The following FBXL17 variants were observed in gnomAD, a reference collection of about 807,000 sequenced individuals.
FBXL17 encodes the protein F-box and leucine rich repeat protein 17, also known as F-box/LRR-repeat protein 17.
In FBXL17, 22 loss-of-function variants were observed where a neutral mutation model predicts 66.2. The observed-to-expected ratio is 0.33, with a 90% CI of 0.24 to 0.47. FBXL17 has a LOEUF of 0.47. FBXL17 is among the 20% of genes least tolerant of loss of function. The pLI is 1.00. For missense variants in FBXL17, 878 were observed against 948.2 expected, an observed-to-expected ratio of 0.93 and a Z score of 0.97; for synonymous variants, 474 against 400.5, an observed-to-expected ratio of 1.18 and a Z score of -2.19.
chr5:108,082,981 CA>C (rs1200201812), intron 6 of FBXL17, among the ~76,000 whole-genome samples: 1 of 151,996 alleles, frequency 6.6e-6, no homozygotes, highest in Non-Finnish European at 1.5e-5. Flanking sequence ...TTTAAGAAAG[CA>C]ATGTTGTGTA....
In FBXL17 at chr5:108,019,159, C is replaced by A. The variant is rs1311587292; in HGVS notation, c.1822+1766G>T. On this transcript the variant is annotated intron_variant, in intron 7 of 8. Coordinates refer to ENST00000542267, the MANE Select transcript of FBXL17 (RefSeq NM_001163315.3). ...CTGTGCTACTCACGAGGTTAGGTAC[C>A]AGATACATACAGAAGCATGAAGTCA... Among the ~76,000 whole-genome samples the A allele has an allele frequency of 9.9e-5, 15 of 152,168 alleles. No homozygotes were observed. The East Asian group carries it at 2.9e-3, about 29-fold the overall frequency.
At chr5:108,251,853 A>G (rs1378091966) in intron 4 of FBXL17, among the ~76,000 whole-genome samples, 9 of 152,052 alleles carry the variant, frequency 5.9e-5, no homozygotes, top group Non-Finnish European at 1.2e-4. Context: ...TTTTCATTCA[A>G]TATTATGTGG....
chr5:107,984,010 CA>C (rs1752925794), intron 7 of FBXL17, among the ~76,000 whole-genome samples: 1 of 152,010 alleles, frequency 6.6e-6, no homozygotes, highest in South Asian at 2.1e-4. Context: ...GTCTGCTCCT[CA>C]AACATAAGTG....
At chr5:108,295,104 C>T (rs57939138) in intron 4 of FBXL17, among the ~76,000 whole-genome samples, 39 of 151,960 alleles carry the variant, frequency 2.6e-4, no homozygotes, top group African/African-American at 8.7e-4. Flanking sequence ...TATAAGAGTA[C>T]ACTTTTTTAA....
chr5:108,311,477 A>T (rs1759114671), intron 4 of FBXL17, among the ~76,000 whole-genome samples: 1 of 152,034 alleles, frequency 6.6e-6, no homozygotes, highest in Non-Finnish European at 1.5e-5. Flanking sequence ...CGGCCTTCTT[A>T]CATACTTTTT....
intron 4 of FBXL17, chr5:108,298,399 T>C (rs578147025): frequency 2.0e-5 from 20 of 980,462 alleles, no homozygotes; most frequent in Non-Finnish European, 2.3e-5. Flanking sequence ...TCAAAGAAGA[T>C]CAATAAATCA....
At chr5:108,035,569 G>A (rs558534871) in intron 6 of FBXL17, among the ~76,000 whole-genome samples, 1 of 152,188 alleles carries the variant, frequency 6.6e-6, no homozygotes, top group African/African-American at 2.4e-5. Context: ...GTTTCTCCAT[G>A]TTGGTCAGGC....
intron 5 of FBXL17, among the ~76,000 whole-genome samples, chr5:108,187,808 T>C (rs1381585000): frequency 6.6e-6 from 1 of 152,264 alleles, no homozygotes; most frequent in Non-Finnish European, 1.5e-5. Flanking sequence ...TCAGACAGGC[T>C]TCTAACTTAC....
rs145233390 is a variant in FBXL17, at chr5:108,129,544, T to C, written c.1745+56573A>G. ...CTTCAATCACTTTGCAGATTTAACC[T>C]TAATATTTTCTATACAGTGAAAACG... On this transcript the variant is annotated intron_variant, in intron 6 of 8. Transcript: ENST00000542267. Among the ~76,000 whole-genome samples the C allele has an allele frequency of 3.1e-3, 477 of 152,160 alleles. 2 individuals carry two copies. The highest frequency in any genetic ancestry group is 0.011 in the African/African-American group (460 of 41,562).
Position 108,348,427 on chromosome 5 carries a change from T to C in FBXL17, c.1478A>G (p.Gln493Arg). The change falls in exon 4 of 9, where the codon CAA (glutamine) becomes CGA (arginine). Residue 493 changes from glutamine (Q) to arginine (R), a missense_variant. Transcript: ENST00000542267. ...IVIAKGCLKL[Q>R]RIYMQENKLV... ...TTTGTTTTCCTGCATGTATATCCTT[T>C]GTAATTTCAGACAGCCCTTAGCTAT... The C allele has an allele frequency of 6.2e-7, 1 of 1,613,608 alleles. No homozygotes were observed. The highest frequency in any genetic ancestry group is 2.2e-5 in the East Asian group (1 of 44,808).
intron 6 of FBXL17, among the ~76,000 whole-genome samples, chr5:108,153,713 T>C (rs1172164396): frequency 6.6e-6 from 1 of 152,154 alleles, no homozygotes; most frequent in Admixed American, 6.5e-5. Flanking sequence ...GCTTGCCTTC[T>C]TGAACATGGA....
At chr5:108,342,809 A>G (rs1422147597) in intron 4 of FBXL17, among the ~76,000 whole-genome samples, 1 of 152,216 alleles carries the variant, frequency 6.6e-6, no homozygotes, top group Admixed American at 6.5e-5. Context: ...ATACTCAATA[A>G]AAGATAACTT....
At chr5:108,282,725 T>C (rs1455876752) in intron 4 of FBXL17, among the ~76,000 whole-genome samples, 3 of 151,800 alleles carry the variant, frequency 2.0e-5, no homozygotes, top group African/African-American at 7.2e-5. Context: ...AAATTATCCC[T>C]GTTTGCTAAG....
At chr5:108,171,929 G>A (rs902971175) in intron 6 of FBXL17, among the ~76,000 whole-genome samples, 7 of 149,946 alleles carry the variant, frequency 4.7e-5, no homozygotes, top group South Asian at 2.1e-4. Flanking sequence ...GGAGTTCCCC[G>A]CAGAAGCTCT....
intron 4 of FBXL17, among the ~76,000 whole-genome samples, chr5:108,266,727 G>T (rs924714869): frequency 9.2e-5 from 14 of 152,122 alleles, no homozygotes; most frequent in African/African-American, 3.4e-4. Flanking sequence ...GAAGGAAAAA[G>T]AAATTTATGC....
At chr5:107,862,572 C>A (rs1211337755) in intron 8 of FBXL17, among the ~76,000 whole-genome samples, 2 of 152,158 alleles carry the variant, frequency 1.3e-5, no homozygotes. Context: ...CAGTTCATAT[C>A]ACAGAAGTAG....
intron 7 of FBXL17, among the ~76,000 whole-genome samples, chr5:107,952,000 A>G (rs1751513219): frequency 6.6e-6 from 1 of 152,222 alleles, no homozygotes; most frequent in South Asian, 2.1e-4. Context: ...AATTCTCATA[A>G]GAATAAATGA....
Position 108,224,127 on chromosome 5 carries a change from T to G in FBXL17, c.1608A>C (p.Leu536=). The change falls in exon 5 of 9, where the codon CTA becomes CTC. Residue 536 remains leucine, a synonymous_variant. Coordinates refer to ENST00000542267, the MANE Select transcript of FBXL17 (RefSeq NM_001163315.3). ...CSVTSKGVIH[L]TKLRNLSSLD... Reference sequence around the variant, plus strand: ...AAGCAGCCATAGTACCTACCTTGGTTAGGTGAATGACTCCTTTAGAAGTGA... The same window carrying G: ...AAGCAGCCATAGTACCTACCTTGGTGAGGTGAATGACTCCTTTAGAAGTGA... 2 of 1,579,454 alleles carry G rather than the reference T, an allele frequency of 1.3e-6. No homozygotes were observed. Among genetic ancestry groups the G allele is most frequent in the Non-Finnish European group, 1.7e-6 (2 of 1,150,504 alleles).
intron 6 of FBXL17, among the ~76,000 whole-genome samples, chr5:108,088,700 CAAAAAAAAAAAAAAAAAAAAAAAAAAA>C (rs57707936): frequency 2.0e-5 from 1 of 49,300 alleles, no homozygotes; most frequent in African/African-American, 8.7e-5. Context: ...GACTCTATCT[CAAAAAAAAAAAAAAAAAAAAAAAAAAA>C]AAAAAAAAAA....
Sources: allele counts gnomAD v4.1 joint callset (sites outside exome capture counted in the v4.1 genomes callset), GRCh38; gene constraint gnomAD v4.1.1; transcripts MANE v1.5; gene names NCBI Gene and HGNC (gene_info 2026-07-23, HGNC 2026-07-21).